Variants in ZSWIM4 observed in about 807,000 individuals in gnomAD.
ZSWIM4 encodes the protein zinc finger SWIM domain-containing protein 4.
ZSWIM4 carries 62 observed loss-of-function variants against 102.5 expected under a neutral mutation model. The ratio of observed to expected loss-of-function variants is 0.60; its 90% confidence interval spans 0.49 to 0.75. The LOEUF (loss-of-function observed/expected upper bound fraction) is 0.75, where lower values mean the gene tolerates loss of function less well. Among genes scored for constraint, ZSWIM4 ranks in the 30% least tolerant of loss-of-function variants. The pLI is 0.00. For missense variants in ZSWIM4, 1,280 were observed against 1,529.6 expected (o/e 0.84, Z 2.72); for synonymous variants, 652 against 674.5 (o/e 0.97, Z 0.52).
intron 2 of ZSWIM4, among the ~76,000 whole-genome samples, chr19:13,802,170 G>A (rs1400793415): frequency 5.8e-5 from 3 of 52,064 alleles, no homozygotes; most frequent in African/African-American, 9.7e-4. Flanking sequence ...TAGAGACGGC[G>A]TTTCACCGTG....
At chr19:13,796,700 G>A (rs1974621073) in intron 1 of ZSWIM4, 1 of 152,298 alleles carries the variant, frequency 6.6e-6, no homozygotes, top group Non-Finnish European at 1.5e-5. Flanking sequence ...TGTGGCTTCT[G>A]GTGGCACTGA....
At chr19:13,807,754 C>CATGCATGG (rs1555712789) in intron 3 of ZSWIM4, among the ~76,000 whole-genome samples, 18 of 139,322 alleles carry the variant, frequency 1.3e-4, no homozygotes, top group African/African-American at 4.7e-4. Context: ...TGGATGGATG[C>CATGCATGG]ATGGATGGAT....
intron 1 of ZSWIM4, 56 bp from the exon 2 acceptor site, chr19:13,799,664 C>T (rs909363345): frequency 6.4e-7 from 1 of 1,573,316 alleles, no homozygotes; most frequent in Admixed American, 1.7e-5. Flanking sequence ...CTAAGCTTCC[C>T]AAAGCGCTGG....
At chr19:13,824,667 G>T (rs1246189089) in intron 11 of ZSWIM4, among the ~76,000 whole-genome samples, 1 of 151,790 alleles carries the variant, frequency 6.6e-6, no homozygotes, top group East Asian at 1.9e-4. Context: ...GGGAGGCAAA[G>T]GTTGCAGTGA....
At position 13,825,628 on chromosome 19, in the gene ZSWIM4, C is replaced by A; in HGVS notation, c.2294C>A (p.Ala765Glu). The A allele has an allele frequency of 6.2e-7, 1 of 1,614,092 alleles. No individual in the cohort carries two copies. Among genetic ancestry groups the A allele is most frequent in the Non-Finnish European group, 8.5e-7 (1 of 1,180,034 alleles). Residue 765 changes from alanine to glutamate, a missense_variant, in exon 12 of 14, where the codon GCG becomes GAG. By Grantham distance (107) the Ala-to-Glu change is moderately radical. Coordinates refer to ENST00000590508, the MANE Select transcript of ZSWIM4 (RefSeq NM_001367834.3). The surrounding 1 kb of genome is among the most constrained non-coding windows in gnomAD (Gnocchi z 4.6). ...TCTCCGGCCCTGCTCTTTAAGCTGG[C>A]GCAGGACGCCTGCAAGACAGCCACC... is the stretch of plus-strand genomic sequence containing the variant. ...IHSPALLFKL[A>E]QDACKTATPV...
At chr19:13,812,348 C>T (rs1275407908) in intron 5 of ZSWIM4, among the ~76,000 whole-genome samples, 1 of 151,782 alleles carries the variant, frequency 6.6e-6, no homozygotes. Flanking sequence ...GGCTGGAGTA[C>T]AGTGGTGTGA....
In ZSWIM4 at chr19:13,804,938, G is replaced by C; in HGVS notation, c.502G>C (p.Val168Leu). 3.7e-6 allele frequency: 6 copies of C among 1,613,446 alleles called. No homozygotes were observed. The highest frequency in any genetic ancestry group is 5.1e-6 in the Non-Finnish European group (6 of 1,180,022). The change falls in exon 3 of 14, where the codon GTG becomes CTG. Residue 168 changes from valine (V) to leucine (L), a missense_variant. Physicochemically the swap from Val to Leu is conservative, Grantham distance 32. Coordinates refer to ENST00000590508, the MANE Select transcript of ZSWIM4 (RefSeq NM_001367834.3). Reference sequence around the variant, plus strand: ...CCGCGACCTCTTCTACTGTGCCCACGTGGTGGCCCTGTCCCTGTACCGCAT... The same window carrying C: ...CCGCGACCTCTTCTACTGTGCCCACCTGGTGGCCCTGTCCCTGTACCGCAT... The part of the protein sequence containing the change: ...DNRDLFYCAH[V>L]VALSLYRIRH...
chr19:13,804,469 CAAAT>C (rs538890080), intron 2 of ZSWIM4, among the ~76,000 whole-genome samples: 81 of 149,974 alleles, frequency 5.4e-4, no homozygotes, highest in Non-Finnish European at 1.0e-3. Context: ...AGCTCTGTCC[CAAAT>C]AAATAAATAA....
chr19:13,819,544 C>A (rs757942109), intron 10 of ZSWIM4, 52 bp downstream of exon 10: 88 of 783,092 alleles, frequency 1.1e-4, no homozygotes, highest in Non-Finnish European at 1.7e-4. Context: ...GGAAGAGGGG[C>A]GGGCATGGGG....
chr19:13,795,705 C>T lies in ZSWIM4; in HGVS notation c.57C>T (p.Arg19=). The T allele has an allele frequency of 2.6e-6, 3 of 1,169,276 alleles. No homozygotes were observed. Among genetic ancestry groups the T allele is most frequent in the Non-Finnish European group, 2.1e-6 (2 of 936,786 alleles). 72.4% of individuals were successfully genotyped at this position (1,169,276 alleles called of 1,614,324 possible). A position where few individuals can be genotyped will look rare whatever the true frequency, so the allele number is the denominator to read the frequency against. Residue 19 remains arginine (R), a synonymous_variant, in exon 1 of 14, where the codon CGC becomes CGT. Coordinates refer to ENST00000590508, the MANE Select transcript of ZSWIM4 (RefSeq NM_001367834.3). Reference sequence around the variant, plus strand: ...GCTGCCCCGCGGGACCCGAGGAGCGCGATGCCGGGGCCGGGGCCGCGCGTG... The same window carrying T: ...GCTGCCCCGCGGGACCCGAGGAGCGTGATGCCGGGGCCGGGGCCGCGCGTG... ...SRGCPAGPEE[R]DAGAGAARGR...
chr19:13,820,557 G>A (rs1211009373), intron 10 of ZSWIM4, among the ~76,000 whole-genome samples: 1 of 152,160 alleles, frequency 6.6e-6, no homozygotes, highest in African/African-American at 2.4e-5. Flanking sequence ...ATTATTTTGA[G>A]TTTGAGAATA....
intron 10 of ZSWIM4, 77 bp downstream of exon 10, chr19:13,819,569 CCA>C: frequency 1.3e-6 from 2 of 1,509,504 alleles, no homozygotes; most frequent in Non-Finnish European, 8.9e-7. Flanking sequence ...GCTCAGAGCC[CCA>C]CCCATCCAGC....
chr19:13,804,974 C>G lies in ZSWIM4; in HGVS notation c.538C>G (p.His180Asp). 6.2e-7 allele frequency: 1 copy of G among 1,613,166 alleles called. No homozygotes were observed. The highest frequency in any genetic ancestry group is 8.5e-7 in the Non-Finnish European group (1 of 1,180,044). The change falls in exon 3 of 14, where the codon CAC becomes GAC. Residue 180 changes from histidine to aspartate, a missense_variant. Physicochemically the swap from His to Asp is moderately conservative, Grantham distance 81. Transcript: ENST00000590508. ...GTCCCTGTACCGCATTCGGCACGCCCACCAGGTGGAGCTGCGGCTGCCCAT... is the reference window on the plus strand; with the variant it reads ...GTCCCTGTACCGCATTCGGCACGCCGACCAGGTGGAGCTGCGGCTGCCCAT... ...ALSLYRIRHAHQVELRLPISE... is the reference protein window; with the variant it reads ...ALSLYRIRHADQVELRLPISE...
In ZSWIM4 at chr19:13,823,516, G is replaced by C. The variant is rs1436848889; in HGVS notation, c.2215+16G>C. Reference sequence around the variant, plus strand: ...GCCGCCAAGGGTGAGGCTGGCAGCTGTCCCGATTCCTTTGTCTTCCTCCTC... The same window carrying C: ...GCCGCCAAGGGTGAGGCTGGCAGCTCTCCCGATTCCTTTGTCTTCCTCCTC... On this transcript the variant is annotated intron_variant, in intron 11 of 13. Coordinates refer to ENST00000590508, the MANE Select transcript of ZSWIM4 (RefSeq NM_001367834.3). 1.6e-5 allele frequency: 25 copies of C among 1,555,530 alleles called. No individual in the cohort carries two copies. The highest frequency in any genetic ancestry group is 2.4e-5 in the East Asian group (1 of 41,320).
intron 12 of ZSWIM4, among the ~76,000 whole-genome samples, chr19:13,826,581 A>G (rs1245267183): frequency 6.6e-6 from 1 of 152,066 alleles, no homozygotes; most frequent in Non-Finnish European, 1.5e-5. Flanking sequence ...CCTGGCCAAC[A>G]TGATGAAACT....
chr19:13,809,272 G>T lies in ZSWIM4; in HGVS notation c.1012+52G>T. Reference sequence around the variant, plus strand: ...GGACACCGGGACTTCGGCTCCCATGGGGGCTGGCCCACTCCAAGATTAGGG... The same window carrying T: ...GGACACCGGGACTTCGGCTCCCATGTGGGCTGGCCCACTCCAAGATTAGGG... On this transcript the variant is annotated intron_variant, in intron 5 of 13. Coordinates refer to ENST00000590508, the MANE Select transcript of ZSWIM4 (RefSeq NM_001367834.3). This position sits in a 1 kb window ranked among gnomAD's most constrained non-coding sequence, Gnocchi z 4.2. 1 of 1,541,950 alleles carries T rather than the reference G, an allele frequency of 6.5e-7. No homozygotes were observed. The highest frequency in any genetic ancestry group is 1.2e-5 in the South Asian group (1 of 83,322).
At chr19:13,815,658 G>C (rs562570285) in intron 7 of ZSWIM4, among the ~76,000 whole-genome samples, 1 of 150,954 alleles carries the variant, frequency 6.6e-6, no homozygotes, top group Non-Finnish European at 1.5e-5. Context: ...TTTTAGTAGA[G>C]ATGGGGTTTC....
chr19:13,797,947 G>C (rs566147216), intron 1 of ZSWIM4, among the ~76,000 whole-genome samples: 2 of 152,144 alleles, frequency 1.3e-5, no homozygotes, highest in Non-Finnish European at 2.9e-5. Flanking sequence ...ATGAGCCACC[G>C]CACCCGGACG....
chr19:13,820,311 G>A (rs1364535870), intron 10 of ZSWIM4, among the ~76,000 whole-genome samples: 1 of 151,926 alleles, frequency 6.6e-6, no homozygotes, highest in Non-Finnish European at 1.5e-5. Context: ...TCTCTGCTCA[G>A]TGCAACCTCT....
Sources: allele counts gnomAD v4.1 joint callset (sites outside exome capture counted in the v4.1 genomes callset), GRCh38; gene constraint gnomAD v4.1.1; non-coding constraint Gnocchi (gnomAD v3.1); transcripts MANE v1.5; gene names NCBI Gene and HGNC (gene_info 2026-07-23, HGNC 2026-07-21).